Variants in SNTG1 observed in about 807,000 individuals in gnomAD.
SNTG1 encodes the protein syntrophin gamma 1, also known as gamma-1-syntrophin.
A neutral mutation model predicts 74.7 loss-of-function variants in SNTG1; 39 were observed. That is an observed-to-expected ratio of 0.52 (90% CI 0.40 to 0.68). The LOEUF (loss-of-function observed/expected upper bound fraction) is 0.68, where lower values mean the gene tolerates loss of function less well. SNTG1 is among the 30% of genes least tolerant of loss of function. SNTG1 has a pLI of 0.00. For synonymous variants in SNTG1, 254 were observed against 217.1 expected (o/e 1.17, Z -1.49); for missense variants, 685 against 609.5 (o/e 1.12, Z -1.30).
intron 10 of SNTG1, among the ~76,000 whole-genome samples, chr8:50,532,577 T>A (rs1438768077): frequency 6.6e-6 from 1 of 152,226 alleles, no homozygotes; most frequent in Non-Finnish European, 1.5e-5. Flanking sequence ...CACGGGAGCA[T>A]TAACCTGCAA....
At chr8:50,790,978 C>A (rs890434683) in intron 18 of SNTG1, among the ~76,000 whole-genome samples, 14 of 151,922 alleles carry the variant, frequency 9.2e-5, no homozygotes, top group Non-Finnish European at 1.6e-4. Context: ...CAACTATATT[C>A]TCCTCCTTAC....
At chr8:50,215,468 A>G (rs2084742717) in intron 2 of SNTG1, among the ~76,000 whole-genome samples, 2 of 142,230 alleles carry the variant, frequency 1.4e-5, no homozygotes, top group Admixed American at 7.0e-5. Context: ...TATATAATAT[A>G]TATATATAGA....
chr8:50,515,523 C>G (rs993649096), intron 9 of SNTG1, among the ~76,000 whole-genome samples: 20 of 151,660 alleles, frequency 1.3e-4, no homozygotes, highest in African/African-American at 4.8e-4. Flanking sequence ...ATCCCACCCC[C>G]ACGGACCCTA....
intron 12 of SNTG1, among the ~76,000 whole-genome samples, chr8:50,561,364 G>T (rs1390295493): frequency 2.0e-5 from 3 of 151,926 alleles, no homozygotes; most frequent in Non-Finnish European, 1.5e-5. Context: ...CTTTATAGCA[G>T]TGTGAAAACA....
chr8:50,581,730 A>T (rs1014218363), intron 12 of SNTG1, among the ~76,000 whole-genome samples: 9 of 152,152 alleles, frequency 5.9e-5, no homozygotes, highest in Non-Finnish European at 1.5e-5. Flanking sequence ...GCACAATGGG[A>T]AGGGATTACA....
chr8:50,158,961 C>T (rs2082333123), intron 1 of SNTG1, among the ~76,000 whole-genome samples: 1 of 152,092 alleles, frequency 6.6e-6, no homozygotes, highest in African/African-American at 2.4e-5. Context: ...AAACCAGTTG[C>T]TCCTCTTAGT....
chr8:50,201,978 A>AC (rs951331285), intron 2 of SNTG1, among the ~76,000 whole-genome samples: 4 of 152,056 alleles, frequency 2.6e-5, no homozygotes, highest in Non-Finnish European at 5.9e-5. Context: ...AGGATTTTTA[A>AC]CCCACGTCTC....
intron 18 of SNTG1, among the ~76,000 whole-genome samples, chr8:50,753,097 T>C (rs2095571724): frequency 6.6e-6 from 1 of 151,956 alleles, no homozygotes; most frequent in Non-Finnish European, 1.5e-5. Context: ...TTTAGACAAA[T>C]GCCTTGCTAA....
intron 9 of SNTG1, among the ~76,000 whole-genome samples, chr8:50,512,991 T>C (rs1341255827): frequency 6.6e-6 from 1 of 152,212 alleles, no homozygotes; most frequent in Non-Finnish European, 1.5e-5. Context: ...AGAGAGTCAC[T>C]CTGATTTTTA....
At chr8:50,306,660 A>ATT (rs147964805) in intron 2 of SNTG1, among the ~76,000 whole-genome samples, 1 of 151,260 alleles carries the variant, frequency 6.6e-6, no homozygotes, top group Non-Finnish European at 1.5e-5. Flanking sequence ...GATGTTGGCC[A>ATT]TTTTTTCTTG....
chr8:50,594,955 A>AT (rs1313154152), intron 13 of SNTG1, among the ~76,000 whole-genome samples: 4 of 151,968 alleles, frequency 2.6e-5, no homozygotes, highest in African/African-American at 9.7e-5. Context: ...ATAATGATGC[A>AT]TACCCTAAAA....
intron 13 of SNTG1, among the ~76,000 whole-genome samples, chr8:50,618,983 C>G (rs1352340846): frequency 6.6e-6 from 1 of 152,030 alleles, no homozygotes; most frequent in African/African-American, 2.4e-5. Context: ...CAAGGACAAT[C>G]ACTATAAACA....
chr8:50,423,852 G>A (rs776401075), intron 4 of SNTG1, among the ~76,000 whole-genome samples: 6 of 152,188 alleles, frequency 3.9e-5, no homozygotes, highest in Non-Finnish European at 7.3e-5. Context: ...GAAAGGTAAA[G>A]TCTGAGTGCC....
intron 1 of SNTG1, among the ~76,000 whole-genome samples, chr8:50,072,910 T>A (rs1181762128): frequency 1.3e-5 from 2 of 152,186 alleles, no homozygotes. Context: ...AAATTATTTA[T>A]AACTAAAAAA....
intron 1 of SNTG1, among the ~76,000 whole-genome samples, chr8:49,970,997 G>C (rs918141545): frequency 2.0e-5 from 3 of 152,102 alleles, no homozygotes; most frequent in Non-Finnish European, 4.4e-5. Context: ...GAAAAAGAGG[G>C]AATCCTCCCT....
At chr8:50,320,396 TTC>T (rs1372581221) in intron 2 of SNTG1, among the ~76,000 whole-genome samples, 6 of 152,250 alleles carry the variant, frequency 3.9e-5, no homozygotes, top group Middle Eastern at 3.4e-3. Flanking sequence ...TTGGATTTTT[TTC>T]TCTTTTTTTC....
At chr8:50,047,732 G>T (rs1819219345) in intron 1 of SNTG1, among the ~76,000 whole-genome samples, 1 of 152,166 alleles carries the variant, frequency 6.6e-6, no homozygotes, top group Admixed American at 6.5e-5. Flanking sequence ...AGCTTATCCT[G>T]TGTTTCTCAA....
intron 1 of SNTG1, among the ~76,000 whole-genome samples, chr8:50,004,111 T>A (rs1465755622): frequency 6.6e-6 from 1 of 152,166 alleles, no homozygotes; most frequent in Non-Finnish European, 1.5e-5. Flanking sequence ...TCCTTGTGCC[T>A]GAGTTATATG....
At position 50,384,848 on chromosome 8, in the gene SNTG1, G is replaced by T. The variant is rs555909083; in HGVS notation, c.-27-9364G>T. 3.3e-5 allele frequency among the ~76,000 whole-genome samples: 5 copies of T among 152,028 alleles called. No homozygotes were observed. In the East Asian group the frequency reaches 9.7e-4, roughly 29 times the overall value. On this transcript the variant is annotated intron_variant, in intron 2 of 18. Coordinates refer to ENST00000642720, the MANE Select transcript of SNTG1 (RefSeq NM_018967.5). ...TGTGCCTTAGGGTCTGCTTGAGCCC[G>T]ATCACTTCCATTTGATGATGTGTAC...
Sources: gnomAD v4.1 joint callset for allele counts (sites outside exome capture counted in the v4.1 genomes callset) on GRCh38, gnomAD v4.1.1 for gene constraint, MANE v1.5 for transcripts, NCBI Gene and HGNC (gene_info 2026-07-23, HGNC 2026-07-21) for gene names.